The following FRMPD4 variants were observed in gnomAD, a reference collection of about 807,000 sequenced individuals.
FRMPD4 encodes the protein FERM and PDZ domain containing 4.
Under a neutral mutation model 94.1 loss-of-function variants are expected in FRMPD4, and 22 were observed. The observed-to-expected ratio is 0.23, with a 90% confidence interval of 0.17 to 0.33. FRMPD4 has a LOEUF of 0.33. Ranked by LOEUF, FRMPD4 falls within the 10% of genes least tolerant of loss-of-function variation. The pLI, the probability that FRMPD4 is intolerant of heterozygous loss-of-function variation, is 1.00. For synonymous variants in FRMPD4, 631 were observed against 548.6 expected (o/e 1.15, Z -2.10); for missense variants, 1,111 against 1,339.9 (o/e 0.83, Z 2.67).
intron 2 of FRMPD4, among the ~76,000 whole-genome samples, chrX:12,577,083 C>T (rs182780046): frequency 4.0e-4 from 45 of 112,025 alleles, no homozygotes; most frequent in African/African-American, 1.4e-3. Context: ...GCAAAAGCCT[C>T]ATATATAGTG....
At chrX:12,265,421 A>T (rs2054257267) in intron 1 of FRMPD4, among the ~76,000 whole-genome samples, 1 of 111,431 alleles carries the variant, frequency 9.0e-6, no homozygotes, top group Admixed American at 9.5e-5. Context: ...CCTTAGAGGG[A>T]TTTTTCTGGG....
intron 4 of FRMPD4, among the ~76,000 whole-genome samples, chrX:12,654,553 C>T (rs755140023): frequency 2.7e-5 from 3 of 111,946 alleles, no homozygotes; most frequent in Non-Finnish European, 5.6e-5. Flanking sequence ...TATACACACT[C>T]ATACATACAC....
chrX:12,144,340 G>A (rs1376411365), intron 1 of FRMPD4, among the ~76,000 whole-genome samples: 3 of 111,439 alleles, frequency 2.7e-5, no homozygotes, highest in African/African-American at 6.5e-5. Context: ...AAAGTATGCT[G>A]CCTTGCTTCT....
chrX:12,318,305 C>T (rs755517874), intron 1 of FRMPD4, among the ~76,000 whole-genome samples: 1 of 112,178 alleles, frequency 8.9e-6, no homozygotes, highest in African/African-American at 3.2e-5. Flanking sequence ...ATGGGAGAAT[C>T]GCTTGAATTC....
At chrX:12,351,777 T>C (rs1414967979) in intron 1 of FRMPD4, among the ~76,000 whole-genome samples, 1 of 112,969 alleles carries the variant, frequency 8.9e-6, no homozygotes, top group Admixed American at 9.3e-5. Flanking sequence ...TTTAGTTTCT[T>C]TCACGCAACA....
At chrX:12,269,874 G>T (rs780364807) in intron 1 of FRMPD4, among the ~76,000 whole-genome samples, 1 of 112,551 alleles carries the variant, frequency 8.9e-6, no homozygotes, top group Admixed American at 9.4e-5. Context: ...ATTGGCATGA[G>T]AGAATGCATT....
chrX:11,898,152 C>T (rs1051579852), intron 3 of FRMPD4, among the ~76,000 whole-genome samples: 4 of 110,806 alleles, frequency 3.6e-5, no homozygotes, highest in African/African-American at 1.3e-4. Context: ...GGGGGGCAGG[C>T]AGGAAGAGAG....
At chrX:12,454,693 C>T (rs2148144269) in intron 1 of FRMPD4, among the ~76,000 whole-genome samples, 1 of 111,112 alleles carries the variant, frequency 9.0e-6, no homozygotes, top group Admixed American at 9.6e-5. Flanking sequence ...TTAAGCTTTG[C>T]TGCAGATTCT....
intron 1 of FRMPD4, among the ~76,000 whole-genome samples, chrX:12,315,910 TGG>T (rs1478467603): frequency 1.8e-5 from 2 of 111,462 alleles, no homozygotes; most frequent in Non-Finnish European, 1.9e-5. Context: ...TGGCATCTAG[TGG>T]GCAAAGGCCA....
intron 1 of FRMPD4, among the ~76,000 whole-genome samples, chrX:12,479,036 G>A (rs1175473059): frequency 1.8e-5 from 2 of 111,076 alleles, no homozygotes; most frequent in East Asian, 5.6e-4. Context: ...AAGTAAGACT[G>A]TTAATAACAC....
intron 1 of FRMPD4, among the ~76,000 whole-genome samples, chrX:11,850,434 C>T (rs1343844827): frequency 1.8e-5 from 2 of 112,037 alleles, no homozygotes; most frequent in Non-Finnish European, 3.8e-5. Context: ...TAATGTCTAG[C>T]AAATCTACTT....
At chrX:12,424,740 A>G in intron 1 of FRMPD4, among the ~76,000 whole-genome samples, 1 of 112,891 alleles carries the variant, frequency 8.9e-6, no homozygotes, top group Non-Finnish European at 1.9e-5. Flanking sequence ...CCATTTGGGA[A>G]ATAATTATGC....
intron 3 of FRMPD4, among the ~76,000 whole-genome samples, chrX:11,934,804 A>G (rs769614305): frequency 8.9e-6 from 1 of 112,046 alleles, no homozygotes; most frequent in East Asian, 2.8e-4. Context: ...TATAGATTGA[A>G]TGATGAAGGA....
At chrX:11,924,975 C>G (rs1462261117) in intron 3 of FRMPD4, among the ~76,000 whole-genome samples, 3 of 110,881 alleles carry the variant, frequency 2.7e-5, no homozygotes, top group Non-Finnish European at 5.7e-5. Context: ...AATAAAGAAC[C>G]AAGACTCATT....
At chrX:12,289,691 C>T (rs1601783299) in intron 1 of FRMPD4, among the ~76,000 whole-genome samples, 2 of 111,172 alleles carry the variant, frequency 1.8e-5, no homozygotes, top group African/African-American at 6.6e-5. Flanking sequence ...CTGACCCGGC[C>T]CACCATAGTT....
At position 12,716,958 on chromosome X, in the gene FRMPD4, C is replaced by A. The variant is rs2042099371; in HGVS notation, c.2499C>A (p.Asp833Glu). 8.3e-7 allele frequency: 1 copy of A among 1,211,073 alleles called. No homozygotes were observed. The highest frequency in any genetic ancestry group is 1.1e-6 in the Non-Finnish European group (1 of 894,682). The stretch of plus-strand genomic sequence containing the variant: ...GCCAGGCAGCTTCCTTCCCCGAGGA[C>A]AAGGAGAAAGGCAGCAGCCTGCAAA... ...SQSQAASFPE[D>E]KEKGSSLQND... is the part of the protein sequence containing the mutation. Residue 833 changes from aspartate to glutamate, a missense_variant, in exon 15 of 17, where the codon GAC (aspartate) becomes GAA (glutamate). This residue lies in a region of FRMPD4 where 74 missense variants were observed against 93.9 expected (regional missense o/e 0.79). Coordinates refer to ENST00000675598, the MANE Select transcript of FRMPD4 (RefSeq NM_001368397.1).
intron 1 of FRMPD4, among the ~76,000 whole-genome samples, chrX:11,836,409 G>A (rs942305834): frequency 9.0e-6 from 1 of 111,023 alleles, no homozygotes; most frequent in African/African-American, 3.3e-5. Context: ...TAGAGGTGAG[G>A]GTGAATGGCA....
intron 3 of FRMPD4, among the ~76,000 whole-genome samples, chrX:12,047,846 A>G (rs1041304876): frequency 8.9e-6 from 1 of 112,586 alleles, no homozygotes; most frequent in Non-Finnish European, 1.9e-5. Flanking sequence ...TTATAGCTGC[A>G]TAGTATTCCA....
chrX:11,972,506 G>T (rs1236938879), intron 3 of FRMPD4, among the ~76,000 whole-genome samples: 2 of 112,087 alleles, frequency 1.8e-5, no homozygotes, highest in Admixed American at 1.9e-4. Flanking sequence ...CAGTTTGGGG[G>T]AAAAGAACAA....
Sources: allele counts gnomAD v4.1 joint callset (sites outside exome capture counted in the v4.1 genomes callset), GRCh38; gene constraint gnomAD v4.1.1; regional missense constraint gnomAD v4.1.1; transcripts MANE v1.5; gene names NCBI Gene and HGNC (gene_info 2026-07-23, HGNC 2026-07-21).